MOB1B: variants seen among roughly 807,000 people sequenced by gnomAD.
MOB1B encodes MOB kinase activator 1B.
Under a neutral mutation model 24.4 loss-of-function variants are expected in MOB1B, and 19 were observed. The ratio of observed to expected loss-of-function variants is 0.78; its 90% CI spans 0.54 to 1.14. The LOEUF (loss-of-function observed/expected upper bound fraction) is 1.14. Among genes scored for constraint, MOB1B ranks in the 50% most tolerant of loss-of-function variants. The pLI is 0.00. For synonymous variants in MOB1B, 76 were observed against 82.1 expected, an observed-to-expected ratio of 0.93 and a Z score of 0.40; for missense variants, 243 against 259.6, an observed-to-expected ratio of 0.94 and a Z score of 0.44.
At chr4:70,904,758 CA>C (rs376732470) in intron 1 of MOB1B, among the ~76,000 whole-genome samples, 7,011 of 62,632 alleles carry the variant, frequency 0.11, 377 homozygotes, top group African/African-American at 0.28. Flanking sequence ...GACTCTGTCT[CA>C]AAAAAAAAAA....
chr4:70,947,638 T>G (rs898299173), intron 1 of MOB1B, among the ~76,000 whole-genome samples: 1 of 151,962 alleles, frequency 6.6e-6, no homozygotes. Flanking sequence ...ATTTATTTAT[T>G]TATTTTGAAG....
rs1739410561 is a variant in MOB1B, at chr4:70,987,262, T to G, written c.*5205T>G. On this transcript the variant is annotated 3_prime_UTR_variant, in exon 6 of 6. Coordinates refer to ENST00000309395, the MANE Select transcript of MOB1B (RefSeq NM_173468.4). ...TTATTAGTGATACAAAGTTAAAATTTCAATATTTAATTTCTCTATATATTA... is the reference window on the plus strand; with the variant it reads ...TTATTAGTGATACAAAGTTAAAATTGCAATATTTAATTTCTCTATATATTA... 1 of 151,954 alleles carries G rather than the reference T, an allele frequency of 6.6e-6. No homozygotes were observed. The highest frequency in any genetic ancestry group is 6.5e-5 in the Admixed American group (1 of 15,274). 9.4% of individuals were successfully genotyped at this position (151,954 alleles called of 1,614,324 possible).
intron 4 of MOB1B, among the ~76,000 whole-genome samples, chr4:70,977,950 A>G (rs1739065830): frequency 6.6e-6 from 1 of 152,198 alleles, no homozygotes; most frequent in South Asian, 2.1e-4. Flanking sequence ...TGTCCTCCCA[A>G]GCATTGGGAT....
intron 1 of MOB1B, among the ~76,000 whole-genome samples, chr4:70,903,006 C>A (rs541600331): frequency 6.6e-6 from 1 of 152,354 alleles, no homozygotes; most frequent in African/African-American, 2.4e-5. Context: ...GTACTTTCCC[C>A]TGTCATCCCA....
intron 1 of MOB1B, among the ~76,000 whole-genome samples, chr4:70,903,663 ATAAT>A (rs1219278362): frequency 6.6e-6 from 1 of 152,200 alleles, no homozygotes; most frequent in African/African-American, 2.4e-5. Context: ...TCCTTGCCTA[ATAAT>A]TTTTAGTCAT....
In MOB1B at chr4:70,902,396, G is replaced by A; in HGVS notation, c.-141G>A. The A allele has an allele frequency of 2.4e-6, 2 of 838,930 alleles. No individual in the cohort carries two copies. The allele number at this position is 838,930 out of a possible 1,614,324, so 52.0% of individuals were successfully genotyped here. ...TGGAACTAGCTGAGCCGAACTAGTT[G>A]CGGCCACCGAGCAGCCGGCTCTCGG... On this transcript the variant is annotated 5_prime_UTR_variant, in exon 1 of 6. Transcript: ENST00000309395.
chr4:70,966,200 A>G (rs190007715), intron 2 of MOB1B, among the ~76,000 whole-genome samples: 48 of 152,324 alleles, frequency 3.2e-4, no homozygotes, highest in Admixed American at 2.5e-3. Flanking sequence ...AAAAGTGTAT[A>G]TAATACATTA....
At chr4:70,953,996 T>C (rs1260897472) in intron 1 of MOB1B, among the ~76,000 whole-genome samples, 1 of 152,032 alleles carries the variant, frequency 6.6e-6, no homozygotes, top group Non-Finnish European at 1.5e-5. Context: ...AACCTTGTTT[T>C]CCTGATTTCC....
chr4:70,920,398 T>C (rs1440164004), intron 1 of MOB1B, among the ~76,000 whole-genome samples: 13 of 152,196 alleles, frequency 8.5e-5, no homozygotes, highest in Admixed American at 8.5e-4. Context: ...CTAATTTTTG[T>C]ATTTTTAGTA....
rs780265892 is a variant in MOB1B, at chr4:70,969,935, G to A, written c.186G>A (p.Val62=). Residue 62 remains valine (V), a synonymous_variant, in exon 3 of 6, where the codon GTG becomes GTA. Coordinates refer to ENST00000309395, the MANE Select transcript of MOB1B (RefSeq NM_173468.4). ...CAACTGATACTTGCTTTACAGCTGT[G>A]GATTTCTTCAATCAGATCAACATGC... ...DLNEWVAVNT[V]DFFNQINMLY... 2 of 1,583,546 alleles carry A rather than the reference G, an allele frequency of 1.3e-6. No individual in the cohort carries two copies. Among genetic ancestry groups the A allele is most frequent in the Non-Finnish European group, 1.7e-6 (2 of 1,158,012 alleles).
chr4:70,958,606 A>C (rs930450620), intron 1 of MOB1B: 1 of 498,786 alleles, frequency 2.0e-6, no homozygotes, highest in African/African-American at 1.9e-5. Context: ...GGAATACAAT[A>C]ACTAAAACAT....
rs182026350 is a variant in MOB1B, at chr4:70,961,769, T to C, written c.181+2729T>C. Among the ~76,000 whole-genome samples, 3 of 152,262 alleles carry C rather than the reference T, an allele frequency of 2.0e-5. No homozygotes were observed. The East Asian group carries it at 5.8e-4, about 29-fold the overall frequency. On this transcript the variant is annotated intron_variant, in intron 2 of 5. Coordinates refer to ENST00000309395, the MANE Select transcript of MOB1B (RefSeq NM_173468.4). ...ATGAAGTAGGTGAATAGGGTTGGAG[T>C]CAGGACAGATACTTCCAGTCACTGG...
chr4:70,956,205 G>A (rs1257159328), intron 1 of MOB1B, among the ~76,000 whole-genome samples: 1 of 152,064 alleles, frequency 6.6e-6, no homozygotes, highest in African/African-American at 2.4e-5. Flanking sequence ...TCGCTGAGTT[G>A]TTCTAAGCAG....
At chr4:70,943,512 C>G (rs1737434458) in intron 1 of MOB1B, among the ~76,000 whole-genome samples, 2 of 152,110 alleles carry the variant, frequency 1.3e-5, no homozygotes, top group Admixed American at 1.3e-4. Flanking sequence ...CTTTGATAAA[C>G]TTTTCTAAAG....
chr4:70,925,954 A>T (rs1369182847), intron 1 of MOB1B, among the ~76,000 whole-genome samples: 1 of 152,066 alleles, frequency 6.6e-6, no homozygotes, highest in Non-Finnish European at 1.5e-5. Flanking sequence ...TTCCCAGCAC[A>T]TTAGGACATT....
intron 1 of MOB1B, among the ~76,000 whole-genome samples, chr4:70,926,019 ACT>A (rs1373187532): frequency 1.3e-5 from 2 of 152,040 alleles, no homozygotes; most frequent in African/African-American, 4.8e-5. Flanking sequence ...ACAGGATCTC[ACT>A]CTGTCACCGA....
intron 1 of MOB1B, among the ~76,000 whole-genome samples, chr4:70,934,909 A>C (rs1445791111): frequency 6.6e-6 from 1 of 151,706 alleles, no homozygotes; most frequent in Non-Finnish European, 1.5e-5. Context: ...ATAATTAAAA[A>C]AATTATTTTT....
intron 1 of MOB1B, among the ~76,000 whole-genome samples, chr4:70,938,205 A>G (rs1737161922): frequency 6.7e-6 from 1 of 148,496 alleles, no homozygotes; most frequent in South Asian, 2.1e-4. Flanking sequence ...TGGAGGGTTT[A>G]TCAACTGTGG....
At chr4:70,966,266 C>T (rs1032038529) in intron 2 of MOB1B, among the ~76,000 whole-genome samples, 1 of 151,978 alleles carries the variant, frequency 6.6e-6, no homozygotes, top group Non-Finnish European at 1.5e-5. Flanking sequence ...TCTGAGGGGC[C>T]TCAGGTTGTG....
Sources: gnomAD v4.1 joint callset for allele counts (sites outside exome capture counted in the v4.1 genomes callset) on GRCh38, gnomAD v4.1.1 for gene constraint, MANE v1.5 for transcripts, NCBI Gene and HGNC (gene_info 2026-07-23, HGNC 2026-07-21) for gene names.